The following EIF3F variants were observed in gnomAD, a reference collection of about 807,000 sequenced individuals.
EIF3F encodes deubiquitinating enzyme eIF3f.
In EIF3F, 8 loss-of-function variants were observed where a neutral mutation model predicts 36.0. The ratio of observed to expected loss-of-function variants is 0.22; its 90% confidence interval spans 0.13 to 0.40. The LOEUF (loss-of-function observed/expected upper bound fraction) is 0.40, where lower values mean the gene tolerates loss of function less well. Among genes scored for constraint, EIF3F ranks in the 10% least tolerant of loss-of-function variants. The pLI, the probability that EIF3F is intolerant of heterozygous loss-of-function variation, is 1.00. For synonymous variants in EIF3F, 184 were observed against 188.5 expected (o/e 0.98, Z 0.19); for missense variants, 430 against 467.6 (o/e 0.92, Z 0.74).
rs1457900698 is a variant in EIF3F, at chr11:7,999,389, T to C, written c.*3367T>C. ...TGTAATCACTTGAAGGCATATCATG[T>C]TCTTGAATAAGAAGACTCAACATTA... On this transcript the variant is annotated 3_prime_UTR_variant, in exon 8 of 8. Coordinates refer to ENST00000651655, the MANE Select transcript of EIF3F (RefSeq NM_003754.3). 6.6e-6 allele frequency: 1 copy of C among 152,230 alleles called. No homozygotes were observed. Among genetic ancestry groups the C allele is most frequent in the Non-Finnish European group, 1.5e-5 (1 of 68,036 alleles). 9.4% of individuals were successfully genotyped at this position (152,230 alleles called of 1,614,324 possible). A position where few individuals can be genotyped will look rare whatever the true frequency, so the allele number is the denominator to read the frequency against.
chr11:7,995,938 C>T lies in EIF3F; in HGVS notation c.997-7C>T. On this transcript the variant is annotated splice_polypyrimidine_tract_variant and splice_region_variant and intron_variant, in intron 7 of 7. Coordinates refer to ENST00000651655, the MANE Select transcript of EIF3F (RefSeq NM_003754.3). ...CCCCCACTCATTGTGTATTCTTTGTCTTCCAGGACCTTTTGATGGTGACCT... is the reference window on the plus strand; with the variant it reads ...CCCCCACTCATTGTGTATTCTTTGTTTTCCAGGACCTTTTGATGGTGACCT... The T allele has an allele frequency of 3.1e-6, 5 of 1,613,780 alleles. No individual in the cohort carries two copies. The highest frequency in any genetic ancestry group is 3.4e-6 in the Non-Finnish European group (4 of 1,179,712).
Position 7,996,136 on chromosome 11 carries a change from G to A in EIF3F, c.*114G>A, listed in dbSNP as rs1223321705. Reference sequence around the variant, plus strand: ...CACACTGAGATAGTCAGTTGTGTGTGACTCTAATAAACGGAGCCTACCTTT... The same window carrying A: ...CACACTGAGATAGTCAGTTGTGTGTAACTCTAATAAACGGAGCCTACCTTT... On this transcript the variant is annotated 3_prime_UTR_variant, in exon 8 of 8. Coordinates refer to ENST00000651655, the MANE Select transcript of EIF3F (RefSeq NM_003754.3). 2.2e-6 allele frequency: 2 copies of A among 909,076 alleles called. No individual in the cohort carries two copies. Among genetic ancestry groups the A allele is most frequent in the African/African-American group, 3.3e-5 (2 of 60,700 alleles). The allele number at this position is 909,076 out of a possible 1,614,324, so 56.3% of individuals were successfully genotyped here.
At chr11:7,994,644 G>T (rs1366160960) in intron 5 of EIF3F, 127 bp downstream of exon 5, 2 of 847,750 alleles carry the variant, frequency 2.4e-6, no homozygotes, top group East Asian at 5.4e-5. Context: ...GGTTTGTGAA[G>T]ACTAGAAGTC....
At position 7,994,465 on chromosome 11, in the gene EIF3F, G is replaced by A. The variant is rs753640542; in HGVS notation, c.693G>A (p.Met231Ile). 1 of 1,614,034 alleles carries A rather than the reference G, an allele frequency of 6.2e-7. No individual in the cohort carries two copies. ...TCCCTGGGAGGACCATGGGAGTGATGTTCACGCCTCTGACAGTGAAATACG... is the reference window on the plus strand; with the variant it reads ...TCCCTGGGAGGACCATGGGAGTGATATTCACGCCTCTGACAGTGAAATACG... ...MGVPGRTMGV[M>I]FTPLTVKYAY... The change falls in exon 5 of 8, where the codon ATG becomes ATA. Residue 231 changes from methionine (M) to isoleucine (I), a missense_variant. Transcript: ENST00000651655.
chr11:7,994,568 A>AG (rs756781059), intron 5 of EIF3F, 51 bp downstream of exon 5: 1 of 1,549,298 alleles, frequency 6.5e-7, no homozygotes, highest in South Asian at 1.2e-5. Context: ...TTTTCAGGGA[A>AG]GGGGGCTGCT....
intron 1 of EIF3F, among the ~76,000 whole-genome samples, chr11:7,990,268 T>C (rs1005875882): frequency 6.6e-6 from 1 of 152,134 alleles, no homozygotes; most frequent in African/African-American, 2.4e-5. Context: ...TAGAAGGTAA[T>C]TGAACCCATA....
intron 5 of EIF3F, 129 bp from the exon 6 acceptor site, chr11:7,994,853 T>A: frequency 7.4e-7 from 1 of 1,352,006 alleles, no homozygotes; most frequent in Non-Finnish European, 1.0e-6. Flanking sequence ...CTGAGCAGAC[T>A]GAGTCTAAGG....
Position 8,000,510 on chromosome 11 carries a change from G to C in EIF3F, c.*4488G>C, listed in dbSNP as rs974421525. The C allele has an allele frequency of 2.6e-5, 4 of 152,184 alleles. No homozygotes were observed. Among genetic ancestry groups the C allele is most frequent in the African/African-American group, 7.2e-5 (3 of 41,450 alleles). 9.4% of individuals were successfully genotyped at this position (152,184 alleles called of 1,614,324 possible). A position where few individuals can be genotyped will look rare whatever the true frequency, so the allele number is the denominator to read the frequency against. On this transcript the variant is annotated 3_prime_UTR_variant, in exon 8 of 8. Coordinates refer to ENST00000651655, the MANE Select transcript of EIF3F (RefSeq NM_003754.3). ...CAGGGTGACTAGTTAATGTATACTT[G>C]AAAATTGCTAGGAGTAGATCTCACC...
In EIF3F at chr11:8,001,318, G is replaced by A. The variant is rs1055151627; in HGVS notation, c.*5296G>A. On this transcript the variant is annotated 3_prime_UTR_variant, in exon 8 of 8. Transcript: ENST00000651655. Reference sequence around the variant, plus strand: ...GGTACAGCCCTCTCTATGTAATTTTGTGTTTGTCAAAATTACAAATATGCA... The same window carrying A: ...GGTACAGCCCTCTCTATGTAATTTTATGTTTGTCAAAATTACAAATATGCA... 1 of 152,166 alleles carries A rather than the reference G, an allele frequency of 6.6e-6. No homozygotes were observed. The highest frequency in any genetic ancestry group is 2.4e-5 in the African/African-American group (1 of 41,422). 9.4% of individuals were successfully genotyped at this position (152,166 alleles called of 1,614,324 possible).
intron 5 of EIF3F, chr11:7,994,763 G>A (rs776917476): frequency 2.2e-4 from 161 of 723,384 alleles, no homozygotes; most frequent in Non-Finnish European, 3.5e-4. Context: ...GATCAAAACC[G>A]GTGATGAGCA....
Position 7,987,380 on chromosome 11 carries a change from G to C in EIF3F, c.28G>C (p.Ala10Pro), listed in dbSNP as rs748001646. 6.9e-6 allele frequency: 11 copies of C among 1,597,770 alleles called. No homozygotes were observed. The highest frequency in any genetic ancestry group is 8.5e-6 in the Non-Finnish European group (10 of 1,178,394). Residue 10 changes from alanine to proline, a missense_variant, in exon 1 of 8, where the codon GCT becomes CCT. Physicochemically the swap from Ala to Pro is conservative, Grantham distance 27. Around this residue, in one of 2 missense-constraint regions of EIF3F, gnomAD observed 168 missense variants for 120.2 expected, o/e 1.40. Transcript: ENST00000651655. Reference sequence around the variant, plus strand: ...GGCCACACCGGCGGTACCAGTAAGTGCTCCTCCGGCCACGCCAACCCCAGT... The same window carrying C: ...GGCCACACCGGCGGTACCAGTAAGTCCTCCTCCGGCCACGCCAACCCCAGT... MATPAVPVS[A>P]PPATPTPVPA...
At chr11:7,988,302 G>T (rs542771506) in intron 1 of EIF3F, among the ~76,000 whole-genome samples, 2 of 152,160 alleles carry the variant, frequency 1.3e-5, no homozygotes, top group African/African-American at 4.8e-5. Flanking sequence ...TGTCCTAAAC[G>T]TCTGAGCCTG....
In EIF3F at chr11:7,999,399, A is replaced by G. The variant is rs1394545619; in HGVS notation, c.*3377A>G. 1 of 152,256 alleles carries G rather than the reference A, an allele frequency of 6.6e-6. No homozygotes were observed. Among genetic ancestry groups the G allele is most frequent in the African/African-American group, 2.4e-5 (1 of 41,470 alleles). 9.4% of individuals were successfully genotyped at this position (152,256 alleles called of 1,614,324 possible). On this transcript the variant is annotated 3_prime_UTR_variant, in exon 8 of 8. Transcript: ENST00000651655. ...TGAAGGCATATCATGTTCTTGAATAAGAAGACTCAACATTATTTTAACAGG... is the reference window on the plus strand; with the variant it reads ...TGAAGGCATATCATGTTCTTGAATAGGAAGACTCAACATTATTTTAACAGG...
chr11:7,992,825 T>C, intron 3 of EIF3F, 62 bp from the exon 4 acceptor site: 2 of 1,610,262 alleles, frequency 1.2e-6, no homozygotes, highest in Non-Finnish European at 1.7e-6. Flanking sequence ...CCCATGCCAC[T>C]GTTGTGTTTG....
chr11:7,995,032 T>C lies in EIF3F; in HGVS notation c.796T>C (p.Ser266Pro). 3.7e-6 allele frequency: 6 copies of C among 1,613,900 alleles called. No homozygotes were observed. The highest frequency in any genetic ancestry group is 5.1e-6 in the Non-Finnish European group (6 of 1,179,878). Residue 266 changes from serine to proline, a missense_variant, in exon 6 of 8, where the codon TCA becomes CCA. This residue lies in a region of EIF3F where 262 missense variants were observed against 347.4 expected (regional missense o/e 0.75). Transcript: ENST00000651655. ...CFSPNRVIGL[S>P]SDLQQVGGAS... ...TAGCCCCAACAGAGTGATTGGACTC[T>C]CAAGTGACTTGCAGCAAGTAGGAGG... is the stretch of plus-strand genomic sequence containing the variant.
chr11:7,987,758 C>T (rs1202224811), intron 1 of EIF3F, 42 bp downstream of exon 1: 5 of 1,452,864 alleles, frequency 3.4e-6, no homozygotes, highest in South Asian at 1.5e-5. Flanking sequence ...CTTCCTCCCA[C>T]TTCTCATTTA....
intron 1 of EIF3F, among the ~76,000 whole-genome samples, chr11:7,990,900 T>G (rs10839959): frequency 7.3e-6 from 1 of 136,878 alleles, no homozygotes; most frequent in African/African-American, 2.8e-5. Flanking sequence ...AATAAATAAA[T>G]AAAAGAAATA....
In EIF3F at chr11:8,001,070, A is replaced by G. The variant is rs1472161923; in HGVS notation, c.*5048A>G. The G allele has an allele frequency of 6.6e-6, 1 of 152,234 alleles. No individual in the cohort carries two copies. The highest frequency in any genetic ancestry group is 1.5e-5 in the Non-Finnish European group (1 of 68,034). The allele number at this position is 152,234 out of a possible 1,614,324, so 9.4% of individuals were successfully genotyped here. ...TGTCCCAGAATTCCTACAGTTTTTT[A>G]AGGCCAGTAATTTGATACATTAGTG... On this transcript the variant is annotated 3_prime_UTR_variant, in exon 8 of 8. Coordinates refer to ENST00000651655, the MANE Select transcript of EIF3F (RefSeq NM_003754.3).
Position 7,994,427 on chromosome 11 carries a change from ACTTT to A in EIF3F, c.656_659del (p.Thr219LysfsTer11). On this transcript the variant is annotated frameshift_variant and splice_region_variant, in exon 5 of 8. Transcript: ENST00000651655. LOFTEE classifies it high-confidence loss of function. Reference sequence around the variant, plus strand: ...TTACTTTGGCTTCTCCTTCCGCAGCACTTTAATGGGAGTCCCTGGGAGGACCATG... The same window carrying A: ...TTACTTTGGCTTCTCCTTCCGCAGCAAATGGGAGTCCCTGGGAGGACCATG... The A allele has an allele frequency of 6.2e-7, 1 of 1,613,776 alleles. No individual in the cohort carries two copies. The highest frequency in any genetic ancestry group is 1.1e-5 in the South Asian group (1 of 91,004).
Sources: gnomAD v4.1 joint callset for allele counts (sites outside exome capture counted in the v4.1 genomes callset) on GRCh38, gnomAD v4.1.1 for gene constraint, gnomAD v4.1.1 regional missense constraint, MANE v1.5 for transcripts, NCBI Gene and HGNC (gene_info 2026-07-23, HGNC 2026-07-21) for gene names.